UMOD: variants seen among roughly 807,000 people sequenced by gnomAD.
UMOD encodes the protein uromodulin, also known as Tamm-Horsfall urinary glycoprotein.
A neutral mutation model predicts 66.0 loss-of-function variants in UMOD; 64 were observed. The ratio of observed to expected loss-of-function variants is 0.97; its 90% CI spans 0.79 to 1.19. UMOD has a LOEUF of 1.19. Ranked by LOEUF, UMOD falls within the 50% of genes most tolerant of loss-of-function variation. UMOD has a pLI of 0.00. For synonymous variants in UMOD, 398 were observed against 352.7 expected (o/e 1.13, Z -1.44); for missense variants, 764 against 850.9 (o/e 0.90, Z 1.27).
intron 6 of UMOD, 143 bp from the exon 7 acceptor site, chr16:20,341,479 G>T: frequency 6.8e-7 from 1 of 1,478,114 alleles, no homozygotes; most frequent in Non-Finnish European, 9.1e-7. Context: ...ACCAACTGTT[G>T]CTTTGCAAAC....
At chr16:20,353,886 C>T (rs1288480589), upstream of UMOD, among the ~76,000 whole-genome samples, 1 of 152,134 alleles carries the variant, frequency 6.6e-6, no homozygotes, top group East Asian at 1.9e-4. Flanking sequence ...AGGTATAACT[C>T]CTAATGCTAT....
At chr16:20,340,646 G>A (rs1305310377) in intron 7 of UMOD, among the ~76,000 whole-genome samples, 1 of 152,138 alleles carries the variant, frequency 6.6e-6, no homozygotes, top group East Asian at 1.9e-4. Context: ...TTTGTTGCCT[G>A]TATTTATAAT....
intron 6 of UMOD, among the ~76,000 whole-genome samples, chr16:20,342,895 C>T (rs903964655): frequency 2.6e-5 from 4 of 151,996 alleles, no homozygotes; most frequent in Non-Finnish European, 4.4e-5. Context: ...TTTGGGAGGC[C>T]GAGGTGGGTG....
At chr16:20,351,790 G>T (rs115311372) in intron 1 of UMOD, among the ~76,000 whole-genome samples, 1,606 of 152,132 alleles carry the variant, frequency 0.011, 32 homozygotes, top group African/African-American at 0.037. Context: ...GGAGACTGAG[G>T]GGGTGGATCA....
intron 8 of UMOD, among the ~76,000 whole-genome samples, 186 bp from the exon 9 acceptor site, chr16:20,336,913 C>T (rs1964907308): frequency 1.3e-5 from 2 of 152,186 alleles, no homozygotes; most frequent in African/African-American, 4.8e-5. Context: ...TGCATGATCT[C>T]AGGCAAGCCA....
intron 6 of UMOD, 60 bp downstream of exon 6, chr16:20,343,964 T>C: frequency 3.7e-6 from 6 of 1,600,380 alleles, no homozygotes; most frequent in Non-Finnish European, 5.1e-6. Flanking sequence ...GGGAAGCTCA[T>C]GGTTAAGGGG....
chr16:20,350,053 G>A (rs567100120), intron 2 of UMOD, among the ~76,000 whole-genome samples: 1 of 152,196 alleles, frequency 6.6e-6, no homozygotes, highest in African/African-American at 2.4e-5. Flanking sequence ...GGTTCAGAGG[G>A]ATTAAGCCCC....
chr16:20,350,947 T>G, intron 1 of UMOD, 108 bp from the exon 2 acceptor site: 2 of 1,202,646 alleles, frequency 1.7e-6, no homozygotes, highest in Non-Finnish European at 1.1e-6. Flanking sequence ...GTCACTTATA[T>G]GGACTAAAAA....
rs1284989206 is a variant in UMOD, at chr16:20,348,387, A to T, written c.865+49T>A. ...ATAAGGACGCACCCCCGTCCTCTGC[A>T]GTGCCTTTCCAGGCCTGGGATGAGG... On this transcript the variant is annotated intron_variant, in intron 3 of 10. Coordinates refer to ENST00000396138, the MANE Select transcript of UMOD (RefSeq NM_003361.4). 3 of 1,614,006 alleles carry T rather than the reference A, an allele frequency of 1.9e-6. No homozygotes were observed. The Admixed American group carries it at 5.0e-5, about 27-fold the overall frequency.
chr16:20,342,764 T>C (rs1457374158), intron 6 of UMOD, among the ~76,000 whole-genome samples: 1 of 152,218 alleles, frequency 6.6e-6, no homozygotes, highest in African/African-American at 2.4e-5. Context: ...CTAGGGCTGC[T>C]GTAAGAGTTT....
chr16:20,333,942 A>G (rs1425799573), intron 10 of UMOD, among the ~76,000 whole-genome samples: 1 of 151,604 alleles, frequency 6.6e-6, no homozygotes, highest in Non-Finnish European at 1.5e-5. Flanking sequence ...GCTGAGGCAG[A>G]AGAATCGCTT....
At chr16:20,342,556 T>C (rs1965290332) in intron 6 of UMOD, 1 of 152,204 alleles carries the variant, frequency 6.6e-6, no homozygotes, top group Admixed American at 6.5e-5. Flanking sequence ...TGAGTCTGGC[T>C]GGCCAAGAGA....
intron 10 of UMOD, among the ~76,000 whole-genome samples, chr16:20,333,915 T>G (rs1299954408): frequency 6.6e-6 from 1 of 151,746 alleles, no homozygotes; most frequent in Admixed American, 6.6e-5. Context: ...ACGCCTGTAG[T>G]TCCAGCTACT....
At chr16:20,340,950 C>T in intron 7 of UMOD, 141 bp downstream of exon 7, 1 of 951,968 alleles carries the variant, frequency 1.1e-6, no homozygotes, top group Non-Finnish European at 1.6e-6. Flanking sequence ...GCCGAGGTCA[C>T]ACCATTGCAC....
At chr16:20,342,884 C>G (rs1965313333) in intron 6 of UMOD, among the ~76,000 whole-genome samples, 1 of 152,132 alleles carries the variant, frequency 6.6e-6, no homozygotes. Flanking sequence ...AATCCCAGCA[C>G]TTTGGGAGGC....
rs751927256 is a variant in UMOD at position 20,333,336 on chromosome 16, G to A, written c.1901C>T (p.Thr634Ile). 9.0e-5 allele frequency: 145 copies of A among 1,613,338 alleles called. No individual in the cohort carries two copies. The highest frequency in any genetic ancestry group is 1.2e-4 in the Non-Finnish European group (144 of 1,179,790). ...CAGTCACTGAAAAGTCAGGGTCAAG[G>A]TGGCCGAGAGAAGCAGAGGCAGCCA... The part of the protein sequence containing the change: ...KVWLPLLLSA[T>I]LTLTFQ The change falls in exon 11 of 11, where the codon ACC (threonine) becomes ATC (isoleucine). Residue 634 changes from threonine (T) to isoleucine (I), a missense_variant. By Grantham distance (89) the Thr-to-Ile change is moderately conservative (BLOSUM62 -1). Transcript: ENST00000396138.
At chr16:20,334,868 T>C (rs1299395549) in intron 10 of UMOD, among the ~76,000 whole-genome samples, 3 of 151,424 alleles carry the variant, frequency 2.0e-5, no homozygotes, top group Non-Finnish European at 4.4e-5. Flanking sequence ...GATCTTGCTT[T>C]GTTGCCAGGC....
intron 2 of UMOD, among the ~76,000 whole-genome samples, chr16:20,350,165 C>A (rs1238399867): frequency 6.6e-6 from 1 of 152,074 alleles, no homozygotes; most frequent in East Asian, 1.9e-4. Flanking sequence ...TCATCGTGCC[C>A]CAACGTACTC....
At chr16:20,344,469 G>C (rs571090326) in intron 5 of UMOD, among the ~76,000 whole-genome samples, 3 of 152,034 alleles carry the variant, frequency 2.0e-5, no homozygotes, top group African/African-American at 7.2e-5. Context: ...CGGGCGTGGT[G>C]GTGGGTGCCT....
Sources: allele counts gnomAD v4.1 joint callset (sites outside exome capture counted in the v4.1 genomes callset), GRCh38; gene constraint gnomAD v4.1.1; transcripts MANE v1.5; gene names NCBI Gene and HGNC (gene_info 2026-07-23, HGNC 2026-07-21).